Variants in DPYD observed in about 807,000 individuals in gnomAD.
The protein encoded by DPYD is dihydropyrimidine dehydrogenase.
Under a neutral mutation model 116.2 loss-of-function variants are expected in DPYD, and 109 were observed. The observed-to-expected ratio is 0.94, with a 90% confidence interval of 0.80 to 1.10. The LOEUF (loss-of-function observed/expected upper bound fraction) is 1.10, where lower values mean the gene tolerates loss of function less well. Ranked by LOEUF, DPYD falls within the 50% of genes least tolerant of loss-of-function variation. The pLI is 0.00. For synonymous variants in DPYD, 440 were observed against 432.0 expected, an observed-to-expected ratio of 1.02 and a Z score of -0.23; for missense variants, 1,302 against 1,254.5, an observed-to-expected ratio of 1.04 and a Z score of -0.57.
chr1:97,449,983 C>T (rs1557719977), intron 14 of DPYD, 76 bp downstream of exon 14: 8 of 1,548,600 alleles, frequency 5.2e-6, no homozygotes, highest in Non-Finnish European at 6.2e-6. Context: ...ATTTATAAGC[C>T]TATGAATTGG....
intron 3 of DPYD, among the ~76,000 whole-genome samples, chr1:97,766,115 C>T (rs935614735): frequency 7.2e-5 from 11 of 152,018 alleles, no homozygotes; most frequent in African/African-American, 2.7e-4. Flanking sequence ...GTGACACATG[C>T]CTGTAATCCC....
chr1:97,912,589 T>C (rs917709574), intron 1 of DPYD, among the ~76,000 whole-genome samples: 10 of 152,116 alleles, frequency 6.6e-5, no homozygotes, highest in African/African-American at 1.9e-4. Context: ...TTTGGGGTCA[T>C]CTTTTGATTT....
chr1:97,442,428 A>C (rs185645695), intron 14 of DPYD, among the ~76,000 whole-genome samples: 1 of 151,324 alleles, frequency 6.6e-6, no homozygotes, highest in East Asian at 1.9e-4. Context: ...ACTTGGCTAC[A>C]TGGAGCCGTA....
At chr1:97,383,537 C>G (rs1485361978) in intron 14 of DPYD, among the ~76,000 whole-genome samples, 1 of 151,346 alleles carries the variant, frequency 6.6e-6, no homozygotes, top group Non-Finnish European at 1.5e-5. Context: ...ATTGCTAAGA[C>G]TTACATAGCT....
chr1:97,560,217 A>C (rs1652042357), intron 11 of DPYD, among the ~76,000 whole-genome samples: 1 of 152,220 alleles, frequency 6.6e-6, no homozygotes, highest in Non-Finnish European at 1.5e-5. Flanking sequence ...AGTGTCAGCA[A>C]GCATAACCTG....
intron 14 of DPYD, among the ~76,000 whole-genome samples, chr1:97,382,804 C>T (rs917199898): frequency 3.9e-5 from 6 of 151,978 alleles, no homozygotes; most frequent in Admixed American, 1.3e-4. Flanking sequence ...CATGCATGTA[C>T]GTGAAGGGAT....
intron 5 of DPYD, among the ~76,000 whole-genome samples, chr1:97,718,421 A>C: frequency 6.6e-6 from 1 of 151,982 alleles, no homozygotes; most frequent in Admixed American, 6.6e-5. Flanking sequence ...TATATATCAT[A>C]AGATGGTATA....
At chr1:97,759,710 A>G (rs184645870) in intron 3 of DPYD, among the ~76,000 whole-genome samples, 19 of 152,236 alleles carry the variant, frequency 1.2e-4, no homozygotes, top group African/African-American at 4.1e-4. Flanking sequence ...TTGTTGTCCT[A>G]AATTGATATA....
intron 19 of DPYD, among the ~76,000 whole-genome samples, chr1:97,231,252 T>C (rs538052439): frequency 1.6e-4 from 25 of 152,174 alleles, no homozygotes; most frequent in Admixed American, 1.2e-3. Flanking sequence ...ACAGGTCCTG[T>C]GATGGAAGAC....
Position 97,281,951 on chromosome 1 carries a change from G to A in DPYD, c.2299+23308C>T, listed in dbSNP as rs534607307. On this transcript the variant is annotated intron_variant, in intron 18 of 22. Coordinates refer to ENST00000370192, the MANE Select transcript of DPYD (RefSeq NM_000110.4). ...CCATTGCTTCACTTTGCATGTCTTCGCAAACTGAGTTTTAAGAGTTTTTGC... is the reference window on the plus strand; with the variant it reads ...CCATTGCTTCACTTTGCATGTCTTCACAAACTGAGTTTTAAGAGTTTTTGC... Among the ~76,000 whole-genome samples, 8 of 152,008 alleles carry A rather than the reference G, an allele frequency of 5.3e-5. No homozygotes were observed. The East Asian group carries it at 9.7e-4, about 18-fold the overall frequency.
Position 97,306,176 on chromosome 1 carries a change from C to T in DPYD, c.2179+1G>A, listed in dbSNP as rs1667149967. 2 of 1,612,342 alleles carry T rather than the reference C, an allele frequency of 1.2e-6. No individual in the cohort carries two copies. The highest frequency in any genetic ancestry group is 1.7e-6 in the Non-Finnish European group (2 of 1,178,742). ...GCAACTGATTCAAGTCAAGTTCTTA[C>T]CTTCCTTTGCAGCTCTTGCGATGCT... is the stretch of plus-strand genomic sequence containing the variant. On this transcript the variant is annotated splice_donor_variant, in intron 17 of 22. Coordinates refer to ENST00000370192, the MANE Select transcript of DPYD (RefSeq NM_000110.4). LOFTEE classifies it high-confidence loss of function.
At chr1:97,792,274 A>AT (rs1169420682) in intron 3 of DPYD, among the ~76,000 whole-genome samples, 45 of 151,438 alleles carry the variant, frequency 3.0e-4, no homozygotes, top group African/African-American at 1.1e-3. Context: ...TTATTTTTTT[A>AT]TTTTATTTTT....
At chr1:97,179,713 C>G (rs1410710819) in intron 20 of DPYD, among the ~76,000 whole-genome samples, 13 of 152,116 alleles carry the variant, frequency 8.5e-5, no homozygotes, top group Admixed American at 8.5e-4. Context: ...GTCACATTTT[C>G]TGTGCGCATT....
chr1:97,501,431 G>A (rs928503497), intron 13 of DPYD, among the ~76,000 whole-genome samples: 1 of 152,030 alleles, frequency 6.6e-6, no homozygotes, highest in Non-Finnish European at 1.5e-5. Context: ...GCCTGGTGCA[G>A]TGACGCACAC....
At chr1:97,273,049 G>A (rs1401890991) in intron 18 of DPYD, among the ~76,000 whole-genome samples, 1 of 152,066 alleles carries the variant, frequency 6.6e-6, no homozygotes, top group Admixed American at 6.6e-5. Context: ...CATTTTACGG[G>A]TGTTACTATA....
At chr1:97,461,049 AAAAG>A (rs1676992946) in intron 13 of DPYD, among the ~76,000 whole-genome samples, 2 of 151,884 alleles carry the variant, frequency 1.3e-5, no homozygotes, top group Non-Finnish European at 2.9e-5. Flanking sequence ...AAAAAAAAAA[AAAAG>A]AAAGAAGCGA....
At chr1:97,558,716 T>G (rs1185309320) in intron 11 of DPYD, among the ~76,000 whole-genome samples, 9 of 152,184 alleles carry the variant, frequency 5.9e-5, no homozygotes, top group Non-Finnish European at 1.5e-5. Flanking sequence ...CAACTCCTTT[T>G]GTGTTATTTG....
At chr1:97,514,345 C>T (rs1648040546) in intron 13 of DPYD, 1 of 670,682 alleles carries the variant, frequency 1.5e-6, no homozygotes. Flanking sequence ...GCAGCAAACA[C>T]CTCTTTTTTT....
chr1:97,692,682 A>C (rs1661075189), intron 6 of DPYD, among the ~76,000 whole-genome samples: 1 of 152,210 alleles, frequency 6.6e-6, no homozygotes, highest in Non-Finnish European at 1.5e-5. Flanking sequence ...AATTTCACCA[A>C]ATTCTCACTG....
Sources: allele counts gnomAD v4.1 joint callset (sites outside exome capture counted in the v4.1 genomes callset), GRCh38; gene constraint gnomAD v4.1.1; transcripts MANE v1.5; gene names NCBI Gene and HGNC (gene_info 2026-07-23, HGNC 2026-07-21).